Variants in PIP5K1B observed in about 807,000 individuals in gnomAD.
PIP5K1B encodes the protein phosphatidylinositol-4-phosphate 5-kinase type 1 beta, also known as phosphatidylinositol 4-phosphate 5-kinase type-1 beta.
A neutral mutation model predicts 67.0 loss-of-function variants in PIP5K1B; 42 were observed. That is an observed-to-expected ratio of 0.63 (90% confidence interval 0.49 to 0.81). The LOEUF (loss-of-function observed/expected upper bound fraction) is 0.81, where lower values mean the gene tolerates loss of function less well. Among genes scored for constraint, PIP5K1B ranks in the 30% least tolerant of loss-of-function variants. PIP5K1B has a pLI of 0.00. For synonymous variants in PIP5K1B, 214 were observed against 231.4 expected (o/e 0.92, Z 0.68); for missense variants, 459 against 646.3 (o/e 0.71, Z 3.14).
chr9:68,947,149 A>C (rs1827841476), intron 14 of PIP5K1B, among the ~76,000 whole-genome samples: 2 of 152,218 alleles, frequency 1.3e-5, no homozygotes, highest in Non-Finnish European at 2.9e-5. Context: ...TGGAAAACAC[A>C]CTTGGAATTT....
intron 6 of PIP5K1B, among the ~76,000 whole-genome samples, chr9:68,882,765 T>G (rs1435093020): frequency 6.6e-6 from 1 of 152,234 alleles, no homozygotes; most frequent in East Asian, 1.9e-4. Context: ...AAAGAGAGTC[T>G]AGGGTCTGCC....
At position 68,947,985 on chromosome 9, in the gene PIP5K1B, C is replaced by T. The variant is rs192683463; in HGVS notation, c.1502+7195C>T. Among the ~76,000 whole-genome samples the T allele has an allele frequency of 1.3e-4, 20 of 152,286 alleles. No homozygotes were observed. The East Asian group carries it at 2.7e-3, about 21-fold the overall frequency. ...TGGGAGCAGATAGCCATCACCCATG[C>T]CCTTACAAAACATTTCTGCTTTATT... On this transcript the variant is annotated intron_variant, in intron 14 of 15. Transcript: ENST00000265382.
chr9:68,915,543 A>G (rs1826052819), intron 8 of PIP5K1B, among the ~76,000 whole-genome samples: 1 of 152,166 alleles, frequency 6.6e-6, no homozygotes, highest in Non-Finnish European at 1.5e-5. Context: ...TAACACCTCC[A>G]TGGAGAACCA....
intron 1 of PIP5K1B, among the ~76,000 whole-genome samples, chr9:68,732,620 G>A (rs546282324): frequency 1.5e-4 from 23 of 152,288 alleles, no homozygotes; most frequent in Middle Eastern, 3.4e-3. Context: ...AACCAGATAC[G>A]TGGGTCTGGT....
intron 4 of PIP5K1B, among the ~76,000 whole-genome samples, chr9:68,827,970 A>G (rs1834075305): frequency 6.6e-6 from 1 of 152,178 alleles, no homozygotes; most frequent in Non-Finnish European, 1.5e-5. Flanking sequence ...TCCAAAACAA[A>G]CAGATGTCAG....
chr9:68,792,624 A>G (rs923311883), intron 2 of PIP5K1B, among the ~76,000 whole-genome samples: 2 of 151,852 alleles, frequency 1.3e-5, no homozygotes, highest in African/African-American at 2.4e-5. Flanking sequence ...GACTACAGGC[A>G]CCCGCCACCA....
chr9:68,822,883 A>T (rs898959927), intron 4 of PIP5K1B, among the ~76,000 whole-genome samples, 200 bp downstream of exon 4: 1 of 152,200 alleles, frequency 6.6e-6, no homozygotes, highest in Non-Finnish European at 1.5e-5. Flanking sequence ...CAGAAGCCTG[A>T]CATGGGTCTC....
intron 14 of PIP5K1B, among the ~76,000 whole-genome samples, chr9:68,985,656 C>T (rs1564293736): frequency 6.6e-6 from 1 of 152,214 alleles, no homozygotes; most frequent in Non-Finnish European, 1.5e-5. Context: ...TGCTCTGGCC[C>T]ATGCCTGCAC....
intron 1 of PIP5K1B, among the ~76,000 whole-genome samples, chr9:68,716,204 G>T (rs1206248873): frequency 6.6e-6 from 1 of 152,212 alleles, no homozygotes; most frequent in African/African-American, 2.4e-5. Flanking sequence ...GTCCTGAAAA[G>T]AATTCCTGTC....
chr9:68,836,668 AT>A (rs1350008071), intron 4 of PIP5K1B, among the ~76,000 whole-genome samples: 2 of 151,316 alleles, frequency 1.3e-5, no homozygotes, highest in African/African-American at 2.4e-5. Context: ...TTAAGTGTGC[AT>A]TTTTTTTGTT....
intron 12 of PIP5K1B, among the ~76,000 whole-genome samples, chr9:68,927,554 GC>G (rs1211683197): frequency 3.9e-5 from 6 of 152,040 alleles, no homozygotes; most frequent in Admixed American, 2.6e-4. Flanking sequence ...GTGCTTATTA[GC>G]AATTTATATC....
chr9:68,826,736 A>G (rs911470104), intron 4 of PIP5K1B, among the ~76,000 whole-genome samples: 8 of 152,158 alleles, frequency 5.3e-5, no homozygotes, highest in African/African-American at 1.4e-4. Flanking sequence ...AAGTGCCAAG[A>G]CAAGTGGTAT....
At position 68,923,305 on chromosome 9, in the gene PIP5K1B, A is replaced by C; in HGVS notation, c.1120A>C (p.Thr374Pro). ...SWKALVYDGD[T>P]VSVHRPSFYA... ...TCCTGGGTTTTTGTCTTTTCAGGAC[A>C]CTGTTTCTGTTCATAGACCAAGCTT... The change falls in exon 12 of 16, where the codon ACT becomes CCT. Residue 374 changes from threonine to proline, a missense_variant. Thr to Pro is a conservative substitution (Grantham distance 38). Around this residue, in one of 2 missense-constraint regions of PIP5K1B, gnomAD observed 290 missense variants for 474.4 expected, o/e 0.61. Transcript: ENST00000265382. The C allele has an allele frequency of 5.7e-6, 9 of 1,584,566 alleles. No individual in the cohort carries two copies. Among genetic ancestry groups the C allele is most frequent in the Non-Finnish European group, 7.8e-6 (9 of 1,157,536 alleles).
intron 1 of PIP5K1B, among the ~76,000 whole-genome samples, chr9:68,732,527 C>G (rs1289573449): frequency 6.6e-6 from 1 of 152,196 alleles, no homozygotes; most frequent in African/African-American, 2.4e-5. Context: ...TCATCTATAT[C>G]CCTCTGGAAA....
At chr9:68,856,185 A>G (rs949795438) in intron 4 of PIP5K1B, among the ~76,000 whole-genome samples, 1 of 152,132 alleles carries the variant, frequency 6.6e-6, no homozygotes, top group East Asian at 1.9e-4. Flanking sequence ...TCCAGCCTCC[A>G]GTTCTGGCAC....
intron 8 of PIP5K1B, among the ~76,000 whole-genome samples, chr9:68,916,949 T>C (rs1321422086): frequency 2.0e-5 from 3 of 151,576 alleles, no homozygotes; most frequent in African/African-American, 7.3e-5. Context: ...AATTCAGACA[T>C]AGAAAAGATA....
At chr9:68,844,443 C>T (rs1407112292) in intron 4 of PIP5K1B, among the ~76,000 whole-genome samples, 1 of 152,090 alleles carries the variant, frequency 6.6e-6, no homozygotes, top group Non-Finnish European at 1.5e-5. Flanking sequence ...CAGCAGGAGC[C>T]AATAATCGTG....
In PIP5K1B at chr9:68,919,565, A is replaced by G. The variant is rs780274892; in HGVS notation, c.1067+3A>G. The G allele has an allele frequency of 6.4e-7, 1 of 1,551,356 alleles. No individual in the cohort carries two copies. The highest frequency in any genetic ancestry group is 2.2e-5 in the East Asian group (1 of 44,446). On this transcript the variant is annotated splice_donor_region_variant and intron_variant, in intron 10 of 15. Coordinates refer to ENST00000265382, the MANE Select transcript of PIP5K1B (RefSeq NM_003558.4). ...ATTGACATTCTGCAATCATATAGGT[A>G]AGAAGTTTGAGGAGTGGTCTTTTAT...
In PIP5K1B at chr9:68,934,866, T is replaced by C. The variant is rs377767165; in HGVS notation, c.1202-24T>C. 21 of 1,565,690 alleles carry C rather than the reference T, an allele frequency of 1.3e-5. No homozygotes were observed. The African/African-American group carries it at 2.3e-4, about 17-fold the overall frequency. ...TGTGATTTTACAGTAAATATCTGTA[T>C]TTGTCCTTTTCCTTTCTGTCTAGCT... is the stretch of plus-strand genomic sequence containing the variant. On this transcript the variant is annotated intron_variant, in intron 12 of 15. Transcript: ENST00000265382.
Sources: gnomAD v4.1 joint callset for allele counts (sites outside exome capture counted in the v4.1 genomes callset) on GRCh38, gnomAD v4.1.1 for gene constraint, gnomAD v4.1.1 regional missense constraint, MANE v1.5 for transcripts, NCBI Gene and HGNC (gene_info 2026-07-23, HGNC 2026-07-21) for gene names.